The following PUDP variants were observed in gnomAD, a reference collection of about 807,000 sequenced individuals.
The protein encoded by PUDP is pseudouridine 5'-phosphatase, also known as pseudouridine-5'-phosphatase.
A neutral mutation model predicts 9.4 loss-of-function variants in PUDP; 8 were observed. The observed-to-expected ratio is 0.85, with a 90% CI of 0.50 to 1.53. The LOEUF (loss-of-function observed/expected upper bound fraction) is 1.53, where lower values mean the gene tolerates loss of function less well. Ranked by LOEUF, PUDP falls within the 40% of genes most tolerant of loss-of-function variation. The probability of loss-of-function intolerance (pLI) is 0.00; values close to 1 mark genes in which losing one functional copy is unlikely to be tolerated. For synonymous variants in PUDP, 99 were observed against 80.7 expected (o/e 1.23, Z -1.22); for missense variants, 188 against 189.7 (o/e 0.99, Z 0.05).
intron 3 of PUDP, among the ~76,000 whole-genome samples, chrX:6,823,749 G>T (rs1753881016): frequency 8.9e-6 from 1 of 112,677 alleles, no homozygotes; most frequent in African/African-American, 3.2e-5. Context: ...GCTAAATAAG[G>T]GGTGGATTAT....
chrX:7,060,730 C>T (rs999005972), intron 3 of PUDP, among the ~76,000 whole-genome samples: 2 of 112,895 alleles, frequency 1.8e-5, no homozygotes, highest in Non-Finnish European at 3.7e-5. Flanking sequence ...TTTTCTTGAA[C>T]TATTCTGAAT....
chrX:7,111,876 C>A (rs895267512), intron 1 of PUDP, among the ~76,000 whole-genome samples: 1 of 110,946 alleles, frequency 9.0e-6, no homozygotes, highest in Non-Finnish European at 1.9e-5. Flanking sequence ...TTTTGTTAAC[C>A]GTGAGTTATA....
At chrX:6,809,359 G>A (rs1477354473) in intron 3 of PUDP, among the ~76,000 whole-genome samples, 6 of 109,694 alleles carry the variant, frequency 5.5e-5, no homozygotes, top group East Asian at 5.8e-4. Context: ...GTACAGTGGC[G>A]CGATCATAGC....
At chrX:6,718,387 A>C (rs1050272099) in intron 1 of PUDP, among the ~76,000 whole-genome samples, 1 of 112,427 alleles carries the variant, frequency 8.9e-6, no homozygotes, top group African/African-American at 3.2e-5. Context: ...TCTGGTATAC[A>C]TATTCCATGG....
intron 1 of PUDP, among the ~76,000 whole-genome samples, chrX:7,001,458 A>G (rs953240710): frequency 1.8e-5 from 2 of 111,417 alleles, no homozygotes; most frequent in African/African-American, 6.5e-5. Flanking sequence ...AAGAACAAAG[A>G]GCCATAAATA....
intron 1 of PUDP, among the ~76,000 whole-genome samples, chrX:7,039,729 C>A (rs764114450): frequency 8.9e-6 from 1 of 112,435 alleles, no homozygotes; most frequent in East Asian, 2.8e-4. Flanking sequence ...TATGGCTGCC[C>A]AAGAAGCCTA....
intron 3 of PUDP, among the ~76,000 whole-genome samples, chrX:6,852,563 T>C (rs1289264981): frequency 9.1e-6 from 1 of 109,428 alleles, no homozygotes; most frequent in Admixed American, 9.9e-5. Flanking sequence ...CTTCACTAAA[T>C]GATTGCAAAT....
downstream of PUDP, among the ~76,000 whole-genome samples, chrX:7,045,357 G>A (rs1929971374): frequency 8.9e-6 from 1 of 112,036 alleles, no homozygotes; most frequent in African/African-American, 3.2e-5. Context: ...ATACACGCTG[G>A]CTTTTGGTTC....
chrX:7,060,618 C>T (rs890178778), intron 3 of PUDP, among the ~76,000 whole-genome samples: 3 of 112,254 alleles, frequency 2.7e-5, no homozygotes, highest in Admixed American at 1.9e-4. Context: ...ATGAAGGTCC[C>T]GCAAAGCAGC....
Position 7,114,830 on chromosome X carries a change from A to G in PUDP, c.62-8992T>C, listed in dbSNP as rs760016532. The stretch of plus-strand genomic sequence containing the variant: ...ACAAATGTACAAATTAGTACAAATT[A>G]AAGAATAAACAATCTATGATGATAT... On this transcript the variant is annotated intron_variant, in intron 1 of 3. Transcript: ENST00000381077. Among the ~76,000 whole-genome samples the G allele has an allele frequency of 4.4e-5, 5 of 112,824 alleles. No homozygotes were observed. In the South Asian group the frequency reaches 1.8e-3, roughly 41 times the overall value.
chrX:7,084,563 A>G (rs940239377), intron 2 of PUDP, among the ~76,000 whole-genome samples: 4 of 112,025 alleles, frequency 3.6e-5, no homozygotes, highest in South Asian at 3.8e-4. Context: ...TGGCCCCTGC[A>G]CTACACAACA....
At chrX:6,897,309 T>A (rs1465222131) in intron 3 of PUDP, among the ~76,000 whole-genome samples, 1 of 112,457 alleles carries the variant, frequency 8.9e-6, no homozygotes, top group Non-Finnish European at 1.9e-5. Flanking sequence ...AATTATAATA[T>A]ACTTGTGTGT....
intron 3 of PUDP, among the ~76,000 whole-genome samples, chrX:6,882,251 G>A (rs1037941824): frequency 9.3e-6 from 1 of 107,127 alleles, no homozygotes; most frequent in South Asian, 4.4e-4. Flanking sequence ...ATATTAGGTC[G>A]GTGCTAAAGT....
intron 3 of PUDP, among the ~76,000 whole-genome samples, chrX:6,887,448 T>C (rs187717688): frequency 8.2e-5 from 9 of 110,179 alleles, no homozygotes; most frequent in African/African-American, 3.0e-4. Context: ...CCCTCAACAC[T>C]GGCGAAACAT....
chrX:6,881,978 T>TTTC (rs1927353646), intron 3 of PUDP, among the ~76,000 whole-genome samples: 1 of 80,359 alleles, frequency 1.2e-5, no homozygotes, highest in Non-Finnish European at 2.3e-5. Flanking sequence ...TTTTTTTTAC[T>TTTC]TTTTTTTTTT....
intron 3 of PUDP, among the ~76,000 whole-genome samples, chrX:6,899,784 C>T (rs191959452): frequency 9.0e-6 from 1 of 111,084 alleles, no homozygotes. Context: ...TCTATCCCTC[C>T]ATACTAACGC....
intron 2 of PUDP, among the ~76,000 whole-genome samples, chrX:6,977,869 A>G (rs1172392938): frequency 2.7e-5 from 3 of 112,674 alleles, no homozygotes; most frequent in Non-Finnish European, 5.6e-5. Context: ...GTGCTCTGCC[A>G]TTTTGTAATA....
intron 3 of PUDP, among the ~76,000 whole-genome samples, chrX:6,844,538 TCTC>T (rs1226430649): frequency 1.8e-5 from 2 of 112,440 alleles, no homozygotes; most frequent in Non-Finnish European, 3.8e-5. Flanking sequence ...GCTGGATAAG[TCTC>T]CTCAAGGAGG....
At chrX:7,073,830 T>C (rs968212683) in intron 3 of PUDP, among the ~76,000 whole-genome samples, 14 of 113,081 alleles carry the variant, frequency 1.2e-4, no homozygotes, top group African/African-American at 4.5e-4. Flanking sequence ...ATAAGGAAAA[T>C]GTTTAGAACT....
Sources: gnomAD v4.1 joint callset for allele counts (sites outside exome capture counted in the v4.1 genomes callset) on GRCh38, gnomAD v4.1.1 for gene constraint, MANE v1.5 for transcripts, NCBI Gene and HGNC (gene_info 2026-07-23, HGNC 2026-07-21) for gene names.